GATD1: variants seen among roughly 807,000 people sequenced by gnomAD.
The protein encoded by GATD1 is glutamine amidotransferase class 1 domain containing 1.
A neutral mutation model predicts 25.9 loss-of-function variants in GATD1; 23 were observed. The ratio of observed to expected loss-of-function variants is 0.89; its 90% CI spans 0.64 to 1.26. The LOEUF is 1.26. Ranked by LOEUF, GATD1 falls within the 50% of genes most tolerant of loss-of-function variation. GATD1 has a pLI of 0.00. For synonymous variants in GATD1, 177 were observed against 134.6 expected (o/e 1.31, Z -2.18); for missense variants, 347 against 312.5 (o/e 1.11, Z -0.83).
intron 4 of GATD1, chr11:773,223 T>C (rs995423996): frequency 1.1e-5 from 4 of 371,792 alleles, no homozygotes; most frequent in African/African-American, 6.5e-5. Context: ...CAGCCCTGGA[T>C]GCCAGGCTTT....
At chr11:772,603 T>A in intron 4 of GATD1, 82 bp from the exon 5 acceptor site, 1 of 1,324,518 alleles carries the variant, frequency 7.5e-7, no homozygotes, top group South Asian at 1.2e-5. Flanking sequence ...TGCTTGTGGC[T>A]CCCCCAGGCT....
Position 768,389 on chromosome 11 carries a change from A to C in GATD1, c.*2508T>G, listed in dbSNP as rs1863177575. On this transcript the variant is annotated 3_prime_UTR_variant, in exon 8 of 8. Transcript: ENST00000319863. ...GAGGCTGAGGCAGGAGAACTGCTTG[A>C]ATCTGGGAGGCAGAGGCAGAGGTTG... is the stretch of plus-strand genomic sequence containing the variant. 1 of 151,836 alleles carries C rather than the reference A, an allele frequency of 6.6e-6. No homozygotes were observed. The highest frequency in any genetic ancestry group is 2.4e-5 in the African/African-American group (1 of 41,336). 9.4% of individuals were successfully genotyped at this position (151,836 alleles called of 1,614,324 possible). A position where few individuals can be genotyped will look rare whatever the true frequency, so the allele number is the denominator to read the frequency against.
Position 769,258 on chromosome 11 carries a change from G to A in GATD1, c.*1639C>T. The A allele has an allele frequency of 5.1e-6, 5 of 985,464 alleles. No homozygotes were observed. Among genetic ancestry groups the A allele is most frequent in the African/African-American group, 1.7e-5 (1 of 57,374 alleles). 61.0% of individuals were successfully genotyped at this position (985,464 alleles called of 1,614,324 possible). A position where few individuals can be genotyped will look rare whatever the true frequency, so the allele number is the denominator to read the frequency against. ...GGAGGGACGCAGCCTTCAGGGCGGG[G>A]ATGTGGCTGCAGCGCTTCCTTCTTC... On this transcript the variant is annotated 3_prime_UTR_variant, in exon 8 of 8. Transcript: ENST00000319863.
intron 3 of GATD1, 56 bp from the exon 4 acceptor site, chr11:773,685 A>C (rs2133633459): frequency 7.3e-7 from 1 of 1,361,742 alleles, no homozygotes; most frequent in South Asian, 1.2e-5. Context: ...GACTACCTGC[A>C]GGACCAGGCC....
chr11:769,824 GC>G lies in GATD1; in HGVS notation c.*1072del, dbSNP rs1310556067. 1 of 676,468 alleles carries G rather than the reference GC, an allele frequency of 1.5e-6. No homozygotes were observed. Among genetic ancestry groups the G allele is most frequent in the Non-Finnish European group, 1.8e-6 (1 of 548,566 alleles). 41.9% of individuals were successfully genotyped at this position (676,468 alleles called of 1,614,324 possible). ...GTAGAGATGGGGTTTCACCATGTTA[GC>G]CAGGATGGTCTCGATCTCCTGACCT... is the stretch of plus-strand genomic sequence containing the variant. On this transcript the variant is annotated 3_prime_UTR_variant, in exon 8 of 8. Transcript: ENST00000319863.
rs1338988216 is a variant in GATD1, at chr11:773,507, C to G, written c.355+15G>C. 2 of 1,603,624 alleles carry G rather than the reference C, an allele frequency of 1.2e-6. No homozygotes were observed. The highest frequency in any genetic ancestry group is 2.7e-5 in the African/African-American group (2 of 74,666). ...GCACATCCAACCCCTCCCCTGGGTC[C>G]CAGGGGTCACCTACTGCTCTCAGAG... On this transcript the variant is annotated intron_variant, in intron 4 of 7. Coordinates refer to ENST00000319863, the MANE Select transcript of GATD1 (RefSeq NM_182612.4).
chr11:767,789 C>T lies in GATD1; in HGVS notation c.*3108G>A. The T allele has an allele frequency of 4.7e-6, 1 of 212,124 alleles. No individual in the cohort carries two copies. Among genetic ancestry groups the T allele is most frequent in the Non-Finnish European group, 8.5e-6 (1 of 117,008 alleles). The allele number at this position is 212,124 out of a possible 1,614,324, so 13.1% of individuals were successfully genotyped here. On this transcript the variant is annotated 3_prime_UTR_variant, in exon 8 of 8. Coordinates refer to ENST00000319863, the MANE Select transcript of GATD1 (RefSeq NM_182612.4). ...CATCTACTGGTGCTTTCATCTTGGG[C>T]TTCCAGCCTCCAAAACTGAAACTGA...
rs1270244794 is a variant in GATD1 at position 767,752 on chromosome 11, CA to C, written c.*3144del. ...CCTCATCATGGGACCATCACCCTCA[CA>C]AAAGAGGTTGCATCTACTGGTGCTT... On this transcript the variant is annotated 3_prime_UTR_variant, in exon 8 of 8. Transcript: ENST00000319863. 2.4e-6 allele frequency: 1 copy of C among 409,612 alleles called. No homozygotes were observed. The highest frequency in any genetic ancestry group is 3.4e-6 in the Non-Finnish European group (1 of 290,164). The allele number at this position is 409,612 out of a possible 1,614,324, so 25.4% of individuals were successfully genotyped here.
Position 771,321 on chromosome 11 carries a change from C to A in GATD1, c.544+12G>T. 1 of 1,604,320 alleles carries A rather than the reference C, an allele frequency of 6.2e-7. No homozygotes were observed. The highest frequency in any genetic ancestry group is 8.5e-7 in the Non-Finnish European group (1 of 1,175,896). ...ATCTTCTGTAAGTGCAGGGGGCACC[C>A]TCGAGGCTCACCACTGAAGCAGGCG... is the stretch of plus-strand genomic sequence containing the variant. On this transcript the variant is annotated intron_variant, in intron 6 of 7. Transcript: ENST00000319863.
chr11:777,413 C>A lies in GATD1; in HGVS notation c.50G>T (p.Ser17Ile). The A allele has an allele frequency of 7.7e-7, 1 of 1,295,998 alleles. No individual in the cohort carries two copies. The allele number at this position is 1,295,998 out of a possible 1,614,324, so 80.3% of individuals were successfully genotyped here. Residue 17 changes from serine (S) to isoleucine (I), a missense_variant, in exon 1 of 8, where the codon AGC becomes ATC. Coordinates refer to ENST00000319863, the MANE Select transcript of GATD1 (RefSeq NM_182612.4). ...PNRPACLLVA[S>I]GAAEGVSAQS... ...CCGGGCCTCACCTTCGGCGGCGCCGCTGGCCACGAGCAGACAGGCGGGCCT... is the reference window on the plus strand; with the variant it reads ...CCGGGCCTCACCTTCGGCGGCGCCGATGGCCACGAGCAGACAGGCGGGCCT...
Position 774,944 on chromosome 11 carries a change from C to T in GATD1, c.141+122G>A, listed in dbSNP as rs1037025925. 4.5e-5 allele frequency: 38 copies of T among 843,932 alleles called. No individual in the cohort carries two copies. In the African/African-American group the frequency reaches 6.3e-4, roughly 14 times the overall value. The allele number at this position is 843,932 out of a possible 1,614,324, so 52.3% of individuals were successfully genotyped here. Reference sequence around the variant, plus strand: ...AGGGTTTGGTTACAGACTCTTCACCCCTCCACCAACTGCAGGGGCTCCCCA... The same window carrying T: ...AGGGTTTGGTTACAGACTCTTCACCTCTCCACCAACTGCAGGGGCTCCCCA... On this transcript the variant is annotated intron_variant, in intron 2 of 7. Transcript: ENST00000319863.
At chr11:771,532 G>T (rs1191089333) in intron 5 of GATD1, 106 bp from the exon 6 acceptor site, 1 of 1,430,854 alleles carries the variant, frequency 7.0e-7, no homozygotes, top group Admixed American at 3.0e-5. Context: ...AACCAAGTGG[G>T]ACCGGGGGTG....
rs922653340 is a variant in GATD1 at position 769,809 on chromosome 11, G to A, written c.*1088C>T. On this transcript the variant is annotated 3_prime_UTR_variant, in exon 8 of 8. Coordinates refer to ENST00000319863, the MANE Select transcript of GATD1 (RefSeq NM_182612.4). ...TATTTTTGTTTTTTAGTAGAGATGG[G>A]GTTTCACCATGTTAGCCAGGATGGT... The A allele has an allele frequency of 3.6e-6, 2 of 558,812 alleles. No individual in the cohort carries two copies. Among genetic ancestry groups the A allele is most frequent in the South Asian group, 7.8e-5 (1 of 12,866 alleles). 34.6% of individuals were successfully genotyped at this position (558,812 alleles called of 1,614,324 possible).
In GATD1 at chr11:767,556, T is replaced by C. The variant is rs1863124196; in HGVS notation, c.*3341A>G. The C allele has an allele frequency of 7.0e-7, 1 of 1,418,572 alleles. No homozygotes were observed. The highest frequency in any genetic ancestry group is 1.5e-5 in the South Asian group (1 of 65,152). 87.9% of individuals were successfully genotyped at this position (1,418,572 alleles called of 1,614,324 possible). On this transcript the variant is annotated 3_prime_UTR_variant, in exon 8 of 8. Transcript: ENST00000319863. ...CTTTGATCTTCAATGCTGGGCTCAATGTCAGATCTGGCTGACCAGAGGGGC... is the reference window on the plus strand; with the variant it reads ...CTTTGATCTTCAATGCTGGGCTCAACGTCAGATCTGGCTGACCAGAGGGGC...
rs377621490 is a variant in GATD1, at chr11:770,616, C to T, written c.*281G>A. ...CCTAGAAAACCCAGCCTGGAATTCC[C>T]GAGGACCACCTAGCAGCTAGCACAG... On this transcript the variant is annotated 3_prime_UTR_variant, in exon 8 of 8. Coordinates refer to ENST00000319863, the MANE Select transcript of GATD1 (RefSeq NM_182612.4). 13 of 1,411,936 alleles carry T rather than the reference C, an allele frequency of 9.2e-6. No individual in the cohort carries two copies. Among genetic ancestry groups the T allele is most frequent in the East Asian group, 7.6e-5 (3 of 39,614 alleles). The allele number at this position is 1,411,936 out of a possible 1,614,324, so 87.5% of individuals were successfully genotyped here.
chr11:770,670 G>A lies in GATD1; in HGVS notation c.*227C>T. On this transcript the variant is annotated 3_prime_UTR_variant, in exon 8 of 8. Coordinates refer to ENST00000319863, the MANE Select transcript of GATD1 (RefSeq NM_182612.4). ...TCCAGGCACGTGGGGTCTTTTCTCT[G>A]CCTCCTACCAGAGAACATGCAGGAG... The A allele has an allele frequency of 7.0e-7, 1 of 1,420,436 alleles. No individual in the cohort carries two copies. Among genetic ancestry groups the A allele is most frequent in the South Asian group, 1.6e-5 (1 of 63,192 alleles). The allele number at this position is 1,420,436 out of a possible 1,614,324, so 88.0% of individuals were successfully genotyped here.
chr11:777,454 G>A lies in GATD1; in HGVS notation c.9C>T (p.Ser3=), dbSNP rs564246377. Reference sequence around the variant, plus strand: ...AGGCGGGCCTGTTAGGGAGCCGCTCGGACGCCATGGCTCGGGCTCGGCGCT... The same window carrying A: ...AGGCGGGCCTGTTAGGGAGCCGCTCAGACGCCATGGCTCGGGCTCGGCGCT... MA[S]ERLPNRPACL... The change falls in exon 1 of 8, where the codon TCC becomes TCT. Residue 3 remains serine, a synonymous_variant. Coordinates refer to ENST00000319863, the MANE Select transcript of GATD1 (RefSeq NM_182612.4). 7 of 1,244,444 alleles carry A rather than the reference G, an allele frequency of 5.6e-6. No individual in the cohort carries two copies. The South Asian group carries it at 8.1e-5, about 14-fold the overall frequency. The allele number at this position is 1,244,444 out of a possible 1,614,324, so 77.1% of individuals were successfully genotyped here. A position where few individuals can be genotyped will look rare whatever the true frequency, so the allele number is the denominator to read the frequency against.
In GATD1 at chr11:767,424, C is replaced by G; in HGVS notation, c.*3473G>C. On this transcript the variant is annotated 3_prime_UTR_variant, in exon 8 of 8. Coordinates refer to ENST00000319863, the MANE Select transcript of GATD1 (RefSeq NM_182612.4). The stretch of plus-strand genomic sequence containing the variant: ...CGGGGAGGCTCTCCAAGCCAGAGGC[C>G]TCGCACGCAGCTGAGGAATGACGCA... 6.6e-7 allele frequency: 1 copy of G among 1,514,494 alleles called. No individual in the cohort carries two copies. Among genetic ancestry groups the G allele is most frequent in the Non-Finnish European group, 8.8e-7 (1 of 1,136,662 alleles). The allele number at this position is 1,514,494 out of a possible 1,614,324, so 93.8% of individuals were successfully genotyped here.
chr11:772,637 TC>T, intron 4 of GATD1, 116 bp from the exon 5 acceptor site: 1 of 894,788 alleles, frequency 1.1e-6, no homozygotes, highest in Non-Finnish European at 1.8e-6. Context: ...TGGCCCCTCC[TC>T]CCAGGTTTCC....
Sources: gnomAD v4.1 joint callset for allele counts on GRCh38, gnomAD v4.1.1 for gene constraint, MANE v1.5 for transcripts, NCBI Gene and HGNC (gene_info 2026-07-23, HGNC 2026-07-21) for gene names.